The following RBFOX1 variants were observed in gnomAD, a reference collection of about 807,000 sequenced individuals.
The protein encoded by RBFOX1 is RNA binding protein fox-1 homolog 1.
In RBFOX1, 8 loss-of-function variants were observed where a neutral mutation model predicts 57.7. The ratio of observed to expected loss-of-function variants is 0.14; its 90% CI spans 0.08 to 0.25. The LOEUF (loss-of-function observed/expected upper bound fraction) is 0.25, where lower values mean the gene tolerates loss of function less well. Ranked by LOEUF, RBFOX1 falls within the 10% of genes least tolerant of loss-of-function variation. The pLI, the probability that RBFOX1 is intolerant of heterozygous loss-of-function variation, is 1.00. For missense variants in RBFOX1, 611 were observed against 548.5 expected (o/e 1.11, Z -1.14); for synonymous variants, 326 against 222.4 (o/e 1.47, Z -4.15).
chr16:6,019,647 C>T lies in RBFOX1; in HGVS notation c.-472C>T, dbSNP rs1325524931. The T allele has an allele frequency of 7.7e-7, 1 of 1,298,590 alleles. No individual in the cohort carries two copies. 80.4% of individuals were successfully genotyped at this position (1,298,590 alleles called of 1,614,324 possible). ...CCCCACATCTGGAGGGGACAGCCAG[C>T]CGTGGGCCCCGCCCCGGCGTCCGGA... On this transcript the variant is annotated 5_prime_UTR_variant, in exon 1 of 16. Transcript: ENST00000550418. This position sits in a 1 kb window ranked among gnomAD's most constrained non-coding sequence, Gnocchi z 4.2.
At chr16:5,378,571 A>T (rs1470345498) in intron 1 of RBFOX1, among the ~76,000 whole-genome samples, 1 of 151,518 alleles carries the variant, frequency 6.6e-6, no homozygotes, top group African/African-American at 2.5e-5. Flanking sequence ...TCCCAGTTAT[A>T]CCTGGGAATG....
chr16:5,962,975 C>A (rs2059779080), intron 4 of RBFOX1, among the ~76,000 whole-genome samples: 1 of 151,978 alleles, frequency 6.6e-6, no homozygotes, highest in Non-Finnish European at 1.5e-5. Flanking sequence ...ATTGCCTCCA[C>A]TCTGGTCTTG....
chr16:6,958,334 C>G (rs181223598), intron 3 of RBFOX1, among the ~76,000 whole-genome samples: 2 of 152,320 alleles, frequency 1.3e-5, no homozygotes, highest in Non-Finnish European at 2.9e-5. Flanking sequence ...ACTTAACCTT[C>G]TGAATCCTCA....
chr16:7,704,591 C>G (rs547224846), intron 14 of RBFOX1, among the ~76,000 whole-genome samples: 2 of 152,288 alleles, frequency 1.3e-5, no homozygotes, highest in East Asian at 1.9e-4. Flanking sequence ...CTGTTCTAGA[C>G]AGTGGGGATG....
chr16:6,103,898 T>C (rs1427603715), intron 1 of RBFOX1, among the ~76,000 whole-genome samples: 1 of 152,188 alleles, frequency 6.6e-6, no homozygotes, highest in Admixed American at 6.5e-5. Flanking sequence ...TTTTGCTCTG[T>C]TCCAATTTGG....
At chr16:6,817,717 C>A (rs564122038) in intron 3 of RBFOX1, among the ~76,000 whole-genome samples, 12 of 151,104 alleles carry the variant, frequency 7.9e-5, no homozygotes, top group Admixed American at 3.3e-4. Flanking sequence ...AAAAAAAAAA[C>A]AAACAAAAAA....
chr16:5,481,153 G>A (rs925841480), intron 2 of RBFOX1, among the ~76,000 whole-genome samples: 5 of 152,298 alleles, frequency 3.3e-5, no homozygotes, highest in South Asian at 2.1e-4. Context: ...CAACCTCTGC[G>A]GAGGCACTTT....
intron 1 of RBFOX1, among the ~76,000 whole-genome samples, chr16:5,264,647 A>C (rs376970414): frequency 1.3e-5 from 2 of 152,116 alleles, no homozygotes; most frequent in Admixed American, 6.5e-5. Context: ...CATGTATCCA[A>C]TTCTCCTGTC....
chr16:6,367,757 A>AAT (rs1294832462), intron 2 of RBFOX1, among the ~76,000 whole-genome samples: 4 of 151,698 alleles, frequency 2.6e-5, no homozygotes, highest in African/African-American at 4.8e-5. Context: ...TTAAAAAAAA[A>AAT]AAAAAATAGG....
chr16:7,018,989 G>A (rs1024953926), intron 3 of RBFOX1, among the ~76,000 whole-genome samples: 6 of 151,200 alleles, frequency 4.0e-5, no homozygotes, highest in Admixed American at 1.3e-4. Context: ...AAATAAATAA[G>A]CAAAGAAGAA....
intron 4 of RBFOX1, among the ~76,000 whole-genome samples, chr16:7,097,755 T>C (rs536656721): frequency 6.6e-6 from 1 of 152,310 alleles, no homozygotes; most frequent in South Asian, 2.1e-4. Context: ...AGCTAGTGCA[T>C]ATTTATCCAG....
At chr16:5,893,148 T>C (rs1440201666) in intron 4 of RBFOX1, among the ~76,000 whole-genome samples, 1 of 152,208 alleles carries the variant, frequency 6.6e-6, no homozygotes, top group Non-Finnish European at 1.5e-5. Flanking sequence ...CTTAACATTC[T>C]AAATTACTTA....
intron 3 of RBFOX1, among the ~76,000 whole-genome samples, chr16:5,751,495 A>C (rs2053202289): frequency 6.6e-6 from 1 of 152,132 alleles, no homozygotes; most frequent in South Asian, 2.1e-4. Context: ...TTTGCACATA[A>C]TTGTTTTTGG....
chr16:5,755,108 C>G (rs1444603136), intron 3 of RBFOX1, among the ~76,000 whole-genome samples: 8 of 84,800 alleles, frequency 9.4e-5, no homozygotes, highest in Non-Finnish European at 1.6e-4. Context: ...GTGGTGATGA[C>G]TCTTAAGGAG....
At chr16:6,903,057 T>G (rs2068866940) in intron 3 of RBFOX1, among the ~76,000 whole-genome samples, 1 of 152,184 alleles carries the variant, frequency 6.6e-6, no homozygotes, top group African/African-American at 2.4e-5. Context: ...CAAGGTTTTG[T>G]GAGCATCTGT....
chr16:6,400,333 A>G (rs2159548), intron 2 of RBFOX1, among the ~76,000 whole-genome samples: 101,378 of 152,072 alleles, frequency 0.67, 34,622 homozygotes, highest in African/African-American at 0.83. Flanking sequence ...GAAATTAAAT[A>G]GAATACTTCT....
chr16:5,525,729 C>G (rs146639460), intron 2 of RBFOX1, among the ~76,000 whole-genome samples: 1 of 152,104 alleles, frequency 6.6e-6, no homozygotes, highest in East Asian at 1.9e-4. Context: ...AACTCCTGAC[C>G]TCAGGTGATC....
intron 2 of RBFOX1, among the ~76,000 whole-genome samples, chr16:5,559,475 G>A (rs1161224842): frequency 1.3e-5 from 2 of 152,190 alleles, no homozygotes; most frequent in Non-Finnish European, 2.9e-5. Flanking sequence ...CAAGGCTACA[G>A]TGTTTTTGCA....
At chr16:6,983,178 A>C (rs1034166270) in intron 3 of RBFOX1, among the ~76,000 whole-genome samples, 1 of 151,696 alleles carries the variant, frequency 6.6e-6, no homozygotes, top group African/African-American at 2.4e-5. Context: ...CCAAGCCTCT[A>C]CCCTTTCCTT....
Sources: gnomAD v4.1 joint callset for allele counts (sites outside exome capture counted in the v4.1 genomes callset) on GRCh38, gnomAD v4.1.1 for gene constraint, Gnocchi (gnomAD v3.1) non-coding constraint, MANE v1.5 for transcripts, NCBI Gene and HGNC (gene_info 2026-07-23, HGNC 2026-07-21) for gene names.